The following PCDH15 variants were observed in gnomAD, a reference collection of about 807,000 sequenced individuals.
PCDH15 encodes protocadherin-15.
A neutral mutation model predicts 178.5 loss-of-function variants in PCDH15; 129 were observed. That is an observed-to-expected ratio of 0.72 (90% CI 0.63 to 0.84). The LOEUF (loss-of-function observed/expected upper bound fraction) is 0.84, where lower values mean the gene tolerates loss of function less well. Among genes scored for constraint, PCDH15 ranks in the 40% least tolerant of loss-of-function variants. The probability of loss-of-function intolerance (pLI) is 0.00; values close to 1 mark genes in which losing one functional copy is unlikely to be tolerated. For synonymous variants in PCDH15, 800 were observed against 732.0 expected, an observed-to-expected ratio of 1.09 and a Z score of -1.50; for missense variants, 2,230 against 2,099.9, an observed-to-expected ratio of 1.06 and a Z score of -1.21.
chr10:55,360,681 G>C (rs538507930), intron 2 of PCDH15, among the ~76,000 whole-genome samples: 2 of 152,020 alleles, frequency 1.3e-5, no homozygotes, highest in East Asian at 1.9e-4. Flanking sequence ...CTCACCTCAA[G>C]GCTCAAACAA....
chr10:54,260,024 G>C (rs1025863881), intron 8 of PCDH15, among the ~76,000 whole-genome samples: 5 of 152,142 alleles, frequency 3.3e-5, no homozygotes, highest in African/African-American at 1.2e-4. Flanking sequence ...TAGAAGCAAG[G>C]AAGATCATAG....
In PCDH15 at chr10:55,022,208, T is replaced by C. The variant is rs1355354075; in HGVS notation, c.-79-124708A>G. On this transcript the variant is annotated intron_variant, in intron 2 of 5. Transcript: ENST00000458638. ...TGGCTCATGCCTGTAATCCCAACACTTTGGAAGGCCAAGGCAGCCGGATCA... is the reference window on the plus strand; with the variant it reads ...TGGCTCATGCCTGTAATCCCAACACCTTGGAAGGCCAAGGCAGCCGGATCA... Among the ~76,000 whole-genome samples the C allele has an allele frequency of 5.3e-5, 8 of 151,992 alleles. No individual in the cohort carries two copies. In the East Asian group the frequency reaches 1.5e-3, roughly 29 times the overall value.
intron 8 of PCDH15, among the ~76,000 whole-genome samples, chr10:54,286,397 C>T (rs1186304898): frequency 1.3e-5 from 2 of 151,988 alleles, no homozygotes; most frequent in African/African-American, 4.8e-5. Context: ...GGCTCCTAGA[C>T]ACCTGATTTT....
At chr10:54,138,505 T>G (rs946543928) in intron 14 of PCDH15, among the ~76,000 whole-genome samples, 1 of 152,176 alleles carries the variant, frequency 6.6e-6, no homozygotes, top group Non-Finnish European at 1.5e-5. Flanking sequence ...TAATATTTTC[T>G]GAAACACTGT....
In PCDH15 at chr10:54,434,442, T is replaced by A. The variant is rs373113422; in HGVS notation, c.158-55500A>T. On this transcript the variant is annotated intron_variant, in intron 3 of 37. Coordinates refer to ENST00000644397, the MANE Select transcript of PCDH15 (RefSeq NM_001384140.1). Reference sequence around the variant, plus strand: ...CCACTGCTTACTATTTATACAGTATTTTTATCATAACTTTTCCATGTTTAG... The same window carrying A: ...CCACTGCTTACTATTTATACAGTATATTTATCATAACTTTTCCATGTTTAG... Among the ~76,000 whole-genome samples the A allele has an allele frequency of 3.7e-4, 56 of 152,334 alleles. 1 individual carries two copies. The highest frequency in any genetic ancestry group is 1.2e-3 in the African/African-American group (48 of 41,578).
rs554211007 is a variant in PCDH15, at chr10:55,553,666, C to T, written c.-156+73959G>A. ...GAGAACAAGGATCAGTAACATAAAC[C>T]CTGTATCTTAAATTTTTTTGTCTCA... On this transcript the variant is annotated intron_variant, in intron 2 of 5. Transcript: ENST00000613346. Among the ~76,000 whole-genome samples, 22 of 151,828 alleles carry T rather than the reference C, an allele frequency of 1.4e-4. No individual in the cohort carries two copies. The East Asian group carries it at 4.3e-3, about 29-fold the overall frequency.
chr10:54,998,395 TAAA>T (rs891140964), intron 2 of PCDH15, among the ~76,000 whole-genome samples: 4 of 151,572 alleles, frequency 2.6e-5, no homozygotes, highest in Non-Finnish European at 5.9e-5. Context: ...TAAATAATAA[TAAA>T]AAAAAGAAAA....
chr10:55,282,053 A>G (rs1236637410), intron 1 of PCDH15, among the ~76,000 whole-genome samples: 1 of 152,198 alleles, frequency 6.6e-6, no homozygotes. Flanking sequence ...CCCAGCGCCA[A>G]GAAAGAGCAA....
intron 15 of PCDH15, among the ~76,000 whole-genome samples, chr10:54,107,051 G>A (rs2094929421): frequency 6.6e-6 from 1 of 151,962 alleles, no homozygotes; most frequent in African/African-American, 2.4e-5. Context: ...TATCTCAGCT[G>A]TCTATCTCCT....
intron 8 of PCDH15, among the ~76,000 whole-genome samples, chr10:54,294,614 G>A (rs2059629067): frequency 6.6e-6 from 1 of 152,044 alleles, no homozygotes; most frequent in South Asian, 2.1e-4. Context: ...ATGGATTTAG[G>A]ACATGATTAA....
At chr10:53,900,817 C>T (rs1479788003) in intron 26 of PCDH15, among the ~76,000 whole-genome samples, 5 of 152,168 alleles carry the variant, frequency 3.3e-5, no homozygotes, top group Admixed American at 3.3e-4. Context: ...AAGTAAATCC[C>T]ATCAGATAAT....
intron 18 of PCDH15, among the ~76,000 whole-genome samples, chr10:54,043,120 C>G (rs1024812797): frequency 6.6e-6 from 1 of 152,046 alleles, no homozygotes; most frequent in East Asian, 1.9e-4. Flanking sequence ...AATGGGGAGC[C>G]TGGTTTAATG....
chr10:54,020,459 A>G lies in PCDH15; in HGVS notation c.2527-43T>C, dbSNP rs750035198. ...ATAGTTTTATTAGTGACGTTACCAA[A>G]ATAAAGAAATGCAGGAAGGATGGAA... On this transcript the variant is annotated intron_variant, in intron 19 of 37. Coordinates refer to ENST00000644397, the MANE Select transcript of PCDH15 (RefSeq NM_001384140.1). 1.3e-5 allele frequency: 20 copies of G among 1,573,366 alleles called. 1 individual carries two copies. In the East Asian group the frequency reaches 4.5e-4, roughly 35 times the overall value.
chr10:53,972,496 C>A (rs1020404600), intron 21 of PCDH15, among the ~76,000 whole-genome samples: 9 of 152,268 alleles, frequency 5.9e-5, no homozygotes, highest in Admixed American at 5.9e-4. Context: ...CCAGAATGAA[C>A]AGGCAACCTA....
chr10:54,827,041 C>A (rs2133747031), intron 3 of PCDH15, among the ~76,000 whole-genome samples: 1 of 152,166 alleles, frequency 6.6e-6, no homozygotes, highest in East Asian at 1.9e-4. Context: ...CTGTGCATGC[C>A]AGGAACCTGG....
chr10:55,411,450 A>T (rs959300866), intron 2 of PCDH15, among the ~76,000 whole-genome samples: 3 of 152,128 alleles, frequency 2.0e-5, no homozygotes, highest in Non-Finnish European at 4.4e-5. Context: ...AATTATTCCT[A>T]CTATTACTAC....
intron 25 of PCDH15, among the ~76,000 whole-genome samples, chr10:53,926,004 T>C (rs553409232): frequency 2.0e-5 from 3 of 152,216 alleles, no homozygotes; most frequent in Non-Finnish European, 4.4e-5. Flanking sequence ...CCTTGTTTCC[T>C]GCAAGTTTTT....
chr10:55,131,888 T>C (rs1336348395), intron 2 of PCDH15, among the ~76,000 whole-genome samples: 2 of 152,138 alleles, frequency 1.3e-5, no homozygotes, highest in Non-Finnish European at 2.9e-5. Context: ...GACAGCCTGG[T>C]CCCTAGGCTT....
At chr10:55,314,984 G>T (rs918345927) in intron 1 of PCDH15, among the ~76,000 whole-genome samples, 5 of 151,972 alleles carry the variant, frequency 3.3e-5, no homozygotes, top group Non-Finnish European at 5.9e-5. Flanking sequence ...ATAATGATAC[G>T]TGTTTGTAAT....
Sources: gnomAD v4.1 joint callset for allele counts (sites outside exome capture counted in the v4.1 genomes callset) on GRCh38, gnomAD v4.1.1 for gene constraint, MANE v1.5 for transcripts, NCBI Gene and HGNC (gene_info 2026-07-23, HGNC 2026-07-21) for gene names.